The following MTARC1 variants were observed in gnomAD, a reference collection of about 807,000 sequenced individuals.
The protein encoded by MTARC1 is mitochondrial amidoxime reducing component 1.
MTARC1 carries 24 observed loss-of-function variants against 33.6 expected under a neutral mutation model. That is an observed-to-expected ratio of 0.72 (90% confidence interval 0.52 to 1.01). The LOEUF is 1.01. Ranked by LOEUF, MTARC1 falls within the 50% of genes least tolerant of loss-of-function variation. MTARC1 has a pLI of 0.00. For synonymous variants in MTARC1, 187 were observed against 189.5 expected, an observed-to-expected ratio of 0.99 and a Z score of 0.11; for missense variants, 417 against 445.7, an observed-to-expected ratio of 0.94 and a Z score of 0.58.
At chr1:220,812,660 G>A (rs975025751) in intron 6 of MTARC1, among the ~76,000 whole-genome samples, 2 of 152,186 alleles carry the variant, frequency 1.3e-5, no homozygotes, top group Non-Finnish European at 2.9e-5. Flanking sequence ...AGACATGGAG[G>A]AGACAGGAGG....
At chr1:220,801,346 C>T (rs982820168) in intron 4 of MTARC1, among the ~76,000 whole-genome samples, 4 of 112,468 alleles carry the variant, frequency 3.6e-5, no homozygotes, top group African/African-American at 1.0e-4. Flanking sequence ...GCTCACCCAG[C>T]CCCCCCCACA....
rs1367243979 is a variant in MTARC1, at chr1:220,787,126, T to C, written c.182T>C (p.Leu61Pro). The change falls in exon 1 of 7, where the codon CTC becomes CCC. Residue 61 changes from leucine to proline, a missense_variant. Coordinates refer to ENST00000366910, the MANE Select transcript of MTARC1 (RefSeq NM_022746.4). Reference protein sequence around the residue: ...LLQQVGTVAQLWIYPVKSCKG... With the variant: ...LLQQVGTVAQPWIYPVKSCKG... ...CAGCAGGTGGGCACAGTGGCGCAGC[T>C]CTGGATCTACCCTGTGAAATCCTGC... 1 of 1,558,004 alleles carries C rather than the reference T, an allele frequency of 6.4e-7. No homozygotes were observed.
rs550724287 is a variant in MTARC1 at position 220,806,423 on chromosome 1, A to C, written c.887+1149A>C. 2.0e-5 allele frequency among the ~76,000 whole-genome samples: 3 copies of C among 152,328 alleles called. No homozygotes were observed. The South Asian group carries it at 6.2e-4, about 32-fold the overall frequency. On this transcript the variant is annotated intron_variant, in intron 6 of 6. Coordinates refer to ENST00000366910, the MANE Select transcript of MTARC1 (RefSeq NM_022746.4). ...CCTGGGAACCTTGAGGAAGGAATGCAGTTGAGATGTGACTATCTTGTATCC... is the reference window on the plus strand; with the variant it reads ...CCTGGGAACCTTGAGGAAGGAATGCCGTTGAGATGTGACTATCTTGTATCC...
intron 6 of MTARC1, among the ~76,000 whole-genome samples, chr1:220,805,737 A>C (rs987924033): frequency 3.9e-5 from 6 of 152,244 alleles, no homozygotes; most frequent in African/African-American, 7.2e-5. Flanking sequence ...AAATGAGTAC[A>C]TTTTAAAAAT....
At chr1:220,799,279 G>A in intron 4 of MTARC1, 3 of 702,486 alleles carry the variant, frequency 4.3e-6, no homozygotes, top group Non-Finnish European at 5.2e-6. Flanking sequence ...CTAGTGTGAG[G>A]CGGGTGGACT....
At position 220,786,985 on chromosome 1, in the gene MTARC1, T is replaced by G; in HGVS notation, c.41T>G (p.Leu14Arg). Residue 14 changes from leucine to arginine, a missense_variant, in exon 1 of 7, where the codon CTC (leucine) becomes CGC (arginine). Coordinates refer to ENST00000366910, the MANE Select transcript of MTARC1 (RefSeq NM_022746.4). ...TCCTCCGCGCTGGCGCGCTTTGTCC[T>G]CCTCGCGCAATCCCGGCCCGGGTGG... ...AGSSALARFV[L>R]LAQSRPGWLG... is the part of the protein sequence containing the mutation. 4.7e-6 allele frequency: 6 copies of G among 1,281,642 alleles called. No homozygotes were observed. Among genetic ancestry groups the G allele is most frequent in the Non-Finnish European group, 5.9e-6 (6 of 1,021,082 alleles). The allele number at this position is 1,281,642 out of a possible 1,614,324, so 79.4% of individuals were successfully genotyped here.
chr1:220,808,532 C>T (rs986221994), intron 6 of MTARC1, among the ~76,000 whole-genome samples: 1 of 152,240 alleles, frequency 6.6e-6, no homozygotes, highest in African/African-American at 2.4e-5. Flanking sequence ...GGAAGGGAAG[C>T]AAACAGTGGT....
chr1:220,808,308 A>G (rs907033966), intron 6 of MTARC1, among the ~76,000 whole-genome samples: 9 of 152,184 alleles, frequency 5.9e-5, no homozygotes. Flanking sequence ...GCAAGGAGCC[A>G]GCACACCCCC....
At position 220,796,702 on chromosome 1, in the gene MTARC1, C is replaced by G. The variant is rs777078255; in HGVS notation, c.509C>G (p.Thr170Ser). 1 of 1,612,718 alleles carries G rather than the reference C, an allele frequency of 6.2e-7. No individual in the cohort carries two copies. Among genetic ancestry groups the G allele is most frequent in the Non-Finnish European group, 8.5e-7 (1 of 1,179,484 alleles). ...DCGEATAQWI[T>S]SFLKSQPYRL... is the part of the protein sequence containing the mutation. ...GGCGAGGCCACCGCCCAGTGGATAA[C>G]CAGCTTCCTGAAGTCACAGCCCTAC... is the stretch of plus-strand genomic sequence containing the variant. The change falls in exon 3 of 7, where the codon ACC becomes AGC. Residue 170 changes from threonine (T) to serine (S), a missense_variant. Physicochemically the swap from Thr to Ser is moderately conservative, Grantham distance 58. Coordinates refer to ENST00000366910, the MANE Select transcript of MTARC1 (RefSeq NM_022746.4).
chr1:220,805,300 C>T, intron 6 of MTARC1, 26 bp downstream of exon 6: 2 of 1,612,004 alleles, frequency 1.2e-6, no homozygotes, highest in Non-Finnish European at 1.7e-6. Flanking sequence ...CGGGGCTCAT[C>T]CTCGGGTTTA....
chr1:220,793,225 T>C (rs1672487384), intron 2 of MTARC1: 2 of 152,246 alleles, frequency 1.3e-5, no homozygotes, highest in Non-Finnish European at 2.9e-5. Flanking sequence ...TAAATACTTA[T>C]ATTGCAATCT....
chr1:220,798,342 G>C (rs1571670370), intron 4 of MTARC1: 2 of 1,221,320 alleles, frequency 1.6e-6, no homozygotes, highest in Non-Finnish European at 2.1e-6. Context: ...AACAAAGAAA[G>C]TGTGTGCTCC....
intron 2 of MTARC1, among the ~76,000 whole-genome samples, chr1:220,795,441 C>A (rs1220862546): frequency 3.3e-5 from 5 of 152,314 alleles, no homozygotes; most frequent in African/African-American, 9.6e-5. Flanking sequence ...GATAGTAGGC[C>A]AAACCATAAA....
intron 6 of MTARC1, among the ~76,000 whole-genome samples, chr1:220,811,929 GTTCCTGTTCTC>G: frequency 6.6e-6 from 1 of 152,230 alleles, no homozygotes; most frequent in East Asian, 1.9e-4. Flanking sequence ...ATTAATCACA[GTTCCTGTTCTC>G]CAGGGACTCT....
At chr1:220,812,728 A>ATT (rs34042064) in intron 6 of MTARC1, among the ~76,000 whole-genome samples, 32,142 of 147,306 alleles carry the variant, frequency 0.22, 4,124 homozygotes, top group East Asian at 0.29. Flanking sequence ...TGAGTATCTA[A>ATT]TTTTTTTTTT....
rs1342258839 is a variant in MTARC1 at position 220,818,951 on chromosome 1, A to G, written c.*5533A>G. The G allele has an allele frequency of 6.6e-6, 1 of 152,168 alleles. No individual in the cohort carries two copies. The highest frequency in any genetic ancestry group is 1.5e-5 in the Non-Finnish European group (1 of 68,034). 9.4% of individuals were successfully genotyped at this position (152,168 alleles called of 1,614,324 possible). A position where few individuals can be genotyped will look rare whatever the true frequency, so the allele number is the denominator to read the frequency against. On this transcript the variant is annotated 3_prime_UTR_variant, in exon 7 of 7. Transcript: ENST00000366910. ...AACCGGGAAAGCTCTTTGTAAACAC[A>G]TGAATAATTGATCGTCCAGCGCTCA...
intron 4 of MTARC1, among the ~76,000 whole-genome samples, chr1:220,799,631 G>C (rs141789568): frequency 1.7e-4 from 26 of 152,322 alleles, no homozygotes; most frequent in African/African-American, 6.0e-4. Flanking sequence ...CAGGAGAGAA[G>C]AGAGAGGCTT....
Position 220,786,992 on chromosome 1 carries a change from G to T in MTARC1, c.48G>T (p.Ala16=). 3 of 1,284,396 alleles carry T rather than the reference G, an allele frequency of 2.3e-6. No individual in the cohort carries two copies. Among genetic ancestry groups the T allele is most frequent in the Non-Finnish European group, 2.0e-6 (2 of 1,022,550 alleles). The allele number at this position is 1,284,396 out of a possible 1,614,324, so 79.6% of individuals were successfully genotyped here. The change falls in exon 1 of 7, where the codon GCG becomes GCT. Residue 16 remains alanine (A), a synonymous_variant. Coordinates refer to ENST00000366910, the MANE Select transcript of MTARC1 (RefSeq NM_022746.4). Reference sequence around the variant, plus strand: ...CGCTGGCGCGCTTTGTCCTCCTCGCGCAATCCCGGCCCGGGTGGCTCGGGG... The same window carrying T: ...CGCTGGCGCGCTTTGTCCTCCTCGCTCAATCCCGGCCCGGGTGGCTCGGGG... The part of the protein sequence containing the change: ...SSALARFVLL[A]QSRPGWLGVA...
At chr1:220,813,146 C>T (rs1460002521) in intron 6 of MTARC1, 146 bp from the exon 7 acceptor site, 1 of 1,045,630 alleles carries the variant, frequency 9.6e-7, no homozygotes, top group East Asian at 2.4e-5. Flanking sequence ...TGCCCCACTC[C>T]AGGAGGCGCT....
Sources: allele counts gnomAD v4.1 joint callset (sites outside exome capture counted in the v4.1 genomes callset), GRCh38; gene constraint gnomAD v4.1.1; transcripts MANE v1.5; gene names NCBI Gene and HGNC (gene_info 2026-07-23, HGNC 2026-07-21).